The following CNTNAP2 variants were observed in gnomAD, a reference collection of about 807,000 sequenced individuals.
CNTNAP2 encodes contactin associated protein 2.
CNTNAP2 carries 98 observed loss-of-function variants against 155.2 expected under a neutral mutation model. The ratio of observed to expected loss-of-function variants is 0.63; its 90% CI spans 0.54 to 0.75. The LOEUF is 0.75. CNTNAP2 is among the 30% of genes least tolerant of loss of function. CNTNAP2 has a pLI of 0.00. For missense variants in CNTNAP2, 1,727 were observed against 1,688.1 expected (o/e 1.02, Z -0.40); for synonymous variants, 651 against 631.2 (o/e 1.03, Z -0.47).
chr7:148,121,093 G>A (rs985513425), intron 16 of CNTNAP2, among the ~76,000 whole-genome samples: 2 of 151,882 alleles, frequency 1.3e-5, no homozygotes, highest in African/African-American at 4.8e-5. Context: ...GGAGTGCAGT[G>A]GTGCAATCTC....
chr7:148,253,055 T>TGATA (rs56702767), intron 20 of CNTNAP2, among the ~76,000 whole-genome samples: 22,746 of 138,660 alleles, frequency 0.16, 2,101 homozygotes, highest in African/African-American at 0.24. Flanking sequence ...GATAGACAGA[T>TGATA]GATAGATAGA....
chr7:148,251,516 G>C (rs369757299), intron 20 of CNTNAP2, among the ~76,000 whole-genome samples: 2 of 152,122 alleles, frequency 1.3e-5, no homozygotes, highest in Non-Finnish European at 2.9e-5. Flanking sequence ...TGAATCATTG[G>C]CCACAAAGGT....
At chr7:146,340,398 T>C (rs1251089107) in intron 1 of CNTNAP2, among the ~76,000 whole-genome samples, 2 of 151,108 alleles carry the variant, frequency 1.3e-5, no homozygotes, top group African/African-American at 2.4e-5. Context: ...TGTTTTTTCC[T>C]GAATAATCTC....
At chr7:146,421,839 A>C (rs1031320862) in intron 1 of CNTNAP2, among the ~76,000 whole-genome samples, 1 of 151,932 alleles carries the variant, frequency 6.6e-6, no homozygotes, top group Admixed American at 6.6e-5. Flanking sequence ...GTATCTTACA[A>C]ATTTCCCAAT....
intron 1 of CNTNAP2, among the ~76,000 whole-genome samples, chr7:146,725,136 T>C (rs1458410155): frequency 2.7e-5 from 4 of 150,744 alleles, no homozygotes; most frequent in Admixed American, 2.6e-4. Context: ...CCATGCTCAC[T>C]CACATGGTGG....
intron 3 of CNTNAP2, among the ~76,000 whole-genome samples, chr7:146,893,558 T>A (rs552074701): frequency 3.5e-4 from 54 of 152,168 alleles, no homozygotes; most frequent in African/African-American, 1.3e-3. Context: ...CAGAAGCATG[T>A]ACAGGTTAAG....
intron 10 of CNTNAP2, among the ~76,000 whole-genome samples, chr7:147,476,765 T>C (rs774287049): frequency 5.3e-5 from 8 of 151,920 alleles, no homozygotes; most frequent in Non-Finnish European, 1.2e-4. Context: ...TGTTTTCTAC[T>C]AAAAATACAA....
chr7:147,897,099 T>G (rs1482783048), intron 13 of CNTNAP2: 3 of 152,252 alleles, frequency 2.0e-5, no homozygotes, highest in African/African-American at 7.2e-5. Context: ...GCTGTCTCTC[T>G]TCTTTTCCCC....
intron 11 of CNTNAP2, among the ~76,000 whole-genome samples, chr7:147,528,288 G>A (rs144039862): frequency 7.0e-4 from 107 of 152,272 alleles, no homozygotes; most frequent in African/African-American, 2.3e-3. Context: ...GTGGCATAAG[G>A]CAGACTGCAT....
At chr7:146,797,330 C>G (rs1392390493) in intron 2 of CNTNAP2, among the ~76,000 whole-genome samples, 1 of 152,008 alleles carries the variant, frequency 6.6e-6, no homozygotes, top group African/African-American at 2.4e-5. Flanking sequence ...AAAAGGTGTT[C>G]AAGGGAAAGT....
intron 11 of CNTNAP2, among the ~76,000 whole-genome samples, chr7:147,547,034 G>A (rs776759728): frequency 2.0e-5 from 3 of 152,144 alleles, no homozygotes; most frequent in Non-Finnish European, 2.9e-5. Flanking sequence ...CCACAGCAGT[G>A]GCTGCAGTAA....
intron 11 of CNTNAP2, among the ~76,000 whole-genome samples, chr7:147,533,030 G>C (rs1440660473): frequency 6.6e-6 from 1 of 151,912 alleles, no homozygotes; most frequent in African/African-American, 2.4e-5. Flanking sequence ...TTTCTCATAA[G>C]AACTCTGGGA....
At chr7:147,220,360 G>A (rs538786671) in intron 8 of CNTNAP2, among the ~76,000 whole-genome samples, 2 of 152,032 alleles carry the variant, frequency 1.3e-5, no homozygotes, top group African/African-American at 2.4e-5. Flanking sequence ...TAATCTACAC[G>A]TGTCTTTATA....
At chr7:148,151,606 C>T (rs948383140) in intron 17 of CNTNAP2, among the ~76,000 whole-genome samples, 1 of 152,210 alleles carries the variant, frequency 6.6e-6, no homozygotes, top group African/African-American at 2.4e-5. Context: ...GGTCCATTCT[C>T]ATTAAATGTG....
intron 8 of CNTNAP2, among the ~76,000 whole-genome samples, chr7:147,279,775 G>A (rs995592473): frequency 4.0e-5 from 6 of 151,764 alleles, no homozygotes; most frequent in Admixed American, 2.6e-4. Context: ...CAATGTAAAC[G>A]CTAAATACTT....
intron 8 of CNTNAP2, among the ~76,000 whole-genome samples, chr7:147,272,758 T>C (rs1340720552): frequency 4.0e-5 from 6 of 151,834 alleles, no homozygotes; most frequent in East Asian, 3.9e-4. Flanking sequence ...CCACCCGCCT[T>C]GGCCTCCTAA....
At position 146,931,104 on chromosome 7, in the gene CNTNAP2, A is replaced by C. The variant is rs1216059350; in HGVS notation, c.402+91200A>C. Among the ~76,000 whole-genome samples the C allele has an allele frequency of 1.9e-3, 294 of 151,280 alleles. 1 individual carries two copies. The highest frequency in any genetic ancestry group is 6.2e-3 in the African/African-American group (257 of 41,230). ...AGTGGACCTAATAGACATCTACAGAACTCTCCACCCCAAATCAACAGAATA... is the reference window on the plus strand; with the variant it reads ...AGTGGACCTAATAGACATCTACAGACCTCTCCACCCCAAATCAACAGAATA... On this transcript the variant is annotated intron_variant, in intron 3 of 23. Transcript: ENST00000361727.
chr7:147,536,681 G>A (rs932697784), intron 11 of CNTNAP2, among the ~76,000 whole-genome samples: 2 of 152,164 alleles, frequency 1.3e-5, no homozygotes, highest in African/African-American at 4.8e-5. Context: ...ACATTTCAAG[G>A]TGGTGAGAGC....
chr7:147,089,356 C>G (rs1262054721), intron 4 of CNTNAP2, among the ~76,000 whole-genome samples: 1 of 152,178 alleles, frequency 6.6e-6, no homozygotes, highest in African/African-American at 2.4e-5. Flanking sequence ...TGCAAGGCTT[C>G]TCATGCTATG....
Sources: gnomAD v4.1 joint callset for allele counts (sites outside exome capture counted in the v4.1 genomes callset) on GRCh38, gnomAD v4.1.1 for gene constraint, MANE v1.5 for transcripts, NCBI Gene and HGNC (gene_info 2026-07-23, HGNC 2026-07-21) for gene names.